The following BOD1L1 variants were observed in gnomAD, a reference collection of about 807,000 sequenced individuals.
The protein encoded by BOD1L1 is biorientation of chromosomes in cell division protein 1-like 1.
In BOD1L1, 86 loss-of-function variants were observed where a neutral mutation model predicts 240.7. The observed-to-expected ratio is 0.36, with a 90% CI of 0.30 to 0.43. The LOEUF is 0.43. Among genes scored for constraint, BOD1L1 ranks in the 20% least tolerant of loss-of-function variants. The pLI is 1.00. For synonymous variants in BOD1L1, 1,268 were observed against 1,272.3 expected, an observed-to-expected ratio of 1.00 and a Z score of 0.07; for missense variants, 3,554 against 3,643.5, an observed-to-expected ratio of 0.98 and a Z score of 0.63.
intron 5 of BOD1L1, among the ~76,000 whole-genome samples, 163 bp from the exon 6 acceptor site, chr4:13,611,263 T>G (rs1032205767): frequency 6.6e-6 from 1 of 152,222 alleles, no homozygotes; most frequent in Non-Finnish European, 1.5e-5. Context: ...AATTCATATT[T>G]TTATTTCTTA....
intron 6 of BOD1L1, 130 bp from the exon 7 acceptor site, chr4:13,609,536 C>A (rs1467894631): frequency 1.9e-6 from 1 of 534,574 alleles, no homozygotes; most frequent in African/African-American, 2.0e-5. Context: ...AAAAAATGCA[C>A]ATACACTACA....
At chr4:13,586,357 C>A (rs763093850) in intron 17 of BOD1L1, 39 bp downstream of exon 17, 3 of 1,398,376 alleles carry the variant, frequency 2.1e-6, no homozygotes, top group Non-Finnish European at 3.0e-6. Flanking sequence ...GCCTCCCTAC[C>A]CCCACCCAAA....
Position 13,601,037 on chromosome 4 carries a change from C to A in BOD1L1, c.5863G>T (p.Glu1955Ter). The A allele has an allele frequency of 6.2e-7, 1 of 1,614,030 alleles. No homozygotes were observed. Among genetic ancestry groups the A allele is most frequent in the South Asian group, 1.1e-5 (1 of 91,086 alleles). Residue 1955 changes from glutamate (E) to a stop codon, truncating the protein, a stop_gained, in exon 10 of 26, where the codon GAA (glutamate) becomes TAA (stop). Coordinates refer to ENST00000040738, the MANE Select transcript of BOD1L1 (RefSeq NM_148894.3). LOFTEE classifies it high-confidence loss of function. ...GAGACTGCACTGGTCACACTGCTTT[C>A]TACAATCCCTTTTGCACTGGAGCAG... ...DICSSAKGIVESSVTSAVSGK... is the reference protein window; with the variant it reads ...DICSSAKGIV
At position 13,604,195 on chromosome 4, in the gene BOD1L1, C is replaced by T. The variant is rs1715474917; in HGVS notation, c.2705G>A (p.Ser902Asn). Residue 902 changes from serine (S) to asparagine (N), a missense_variant, in exon 10 of 26, where the codon AGC becomes AAC. By Grantham distance (46) the Ser-to-Asn change is conservative (BLOSUM62 1). This residue lies in a region of BOD1L1 where 3,393 missense variants were observed against 3,427.1 expected (regional missense o/e 0.99). Coordinates refer to ENST00000040738, the MANE Select transcript of BOD1L1 (RefSeq NM_148894.3). ...CAACACAAGTTTCTCTTCTAACAAG[C>T]TCTTTGTTCGTCGTTTCTCCTTGTG... ...VVHKEKRRTK[S>N]LLEEKLVLKS... 1 of 1,613,302 alleles carries T rather than the reference C, an allele frequency of 6.2e-7. No homozygotes were observed. Among genetic ancestry groups the T allele is most frequent in the Admixed American group, 1.7e-5 (1 of 59,906 alleles).
At chr4:13,592,022 G>C (rs1714259411) in intron 12 of BOD1L1, 56 bp from the exon 13 acceptor site, 2 of 1,354,838 alleles carry the variant, frequency 1.5e-6, no homozygotes, top group African/African-American at 1.5e-5. Flanking sequence ...CTGAAATGCA[G>C]AGAAACAAAT....
At chr4:13,615,632 T>G in intron 2 of BOD1L1, 130 bp from the exon 3 acceptor site, 1 of 859,270 alleles carries the variant, frequency 1.2e-6, no homozygotes, top group African/African-American at 1.7e-5. Flanking sequence ...CCCAATCCAT[T>G]TACTTGGATA....
At chr4:13,616,086 T>C (rs184760235) in intron 2 of BOD1L1, among the ~76,000 whole-genome samples, 3 of 152,344 alleles carry the variant, frequency 2.0e-5, no homozygotes, top group Admixed American at 2.0e-4. Context: ...AAAAACTGGA[T>C]GATTTATTCA....
At chr4:13,605,520 A>T (rs1040276570) in intron 9 of BOD1L1, among the ~76,000 whole-genome samples, 4 of 152,288 alleles carry the variant, frequency 2.6e-5, no homozygotes, top group Middle Eastern at 3.4e-3. Context: ...AGATTATTTC[A>T]TTCCGAGTCT....
chr4:13,577,819 C>A, intron 22 of BOD1L1, 188 bp from the exon 23 acceptor site: 3 of 412,766 alleles, frequency 7.3e-6, no homozygotes, highest in Non-Finnish European at 1.3e-5. Context: ...TTGTGAGTCA[C>A]GAAACATAAG....
rs1716308123 is a variant in BOD1L1, at chr4:13,613,053, C to T, written c.1324+459G>A. Among the ~76,000 whole-genome samples, 1 of 152,154 alleles carries T rather than the reference C, an allele frequency of 6.6e-6. No individual in the cohort carries two copies. The highest frequency in any genetic ancestry group is 2.1e-4 in the South Asian group (1 of 4,830). ...CCCTTGGCTGATTTTAATCTGAGCA[C>T]CTTAACTGTAAACAACCATAGCTGT... On this transcript the variant is annotated intron_variant, in intron 5 of 25. Transcript: ENST00000040738. The surrounding 1 kb of genome is among the most constrained non-coding windows in gnomAD (Gnocchi z 4.0).
At chr4:13,587,033 A>T (rs928056350) in intron 16 of BOD1L1, among the ~76,000 whole-genome samples, 4 of 152,040 alleles carry the variant, frequency 2.6e-5, no homozygotes, top group Admixed American at 6.6e-5. Context: ...TTCATTCTTC[A>T]CTCATTCTTT....
intron 19 of BOD1L1, among the ~76,000 whole-genome samples, 182 bp from the exon 20 acceptor site, chr4:13,581,389 T>G (rs1713221315): frequency 6.6e-6 from 1 of 152,202 alleles, no homozygotes; most frequent in Non-Finnish European, 1.5e-5. Context: ...CACCATTGCT[T>G]CTTCAACCTG....
intron 6 of BOD1L1, 138 bp downstream of exon 6, chr4:13,610,796 C>T (rs61795290): frequency 3.3e-6 from 2 of 598,816 alleles, no homozygotes; most frequent in Non-Finnish European, 5.6e-6. Context: ...ATCTACTCTA[C>T]CTAGTTAAAT....
Position 13,600,755 on chromosome 4 carries a change from T to C in BOD1L1, c.6145A>G (p.Thr2049Ala), listed in dbSNP as rs1426899927. Residue 2049 changes from threonine (T) to alanine (A), a missense_variant, in exon 10 of 26, where the codon ACT becomes GCT. Thr to Ala is a moderately conservative substitution (Grantham distance 58). This residue lies in a region of BOD1L1 where 3,393 missense variants were observed against 3,427.1 expected (regional missense o/e 0.99). Coordinates refer to ENST00000040738, the MANE Select transcript of BOD1L1 (RefSeq NM_148894.3). ...TTGGTAATATCACCACTGGCTGTAGTTGCCATGAGACCATCACACTCTTCA... is the reference window on the plus strand; with the variant it reads ...TTGGTAATATCACCACTGGCTGTAGCTGCCATGAGACCATCACACTCTTCA... ...ENEECDGLMA[T>A]TASGDITNQN... 2 of 1,614,046 alleles carry C rather than the reference T, an allele frequency of 1.2e-6. No homozygotes were observed. Among genetic ancestry groups the C allele is most frequent in the African/African-American group, 2.7e-5 (2 of 75,066 alleles).
At chr4:13,598,830 T>C (rs529517130) in intron 10 of BOD1L1, 116 bp downstream of exon 10, 29 of 1,105,000 alleles carry the variant, frequency 2.6e-5, no homozygotes, top group Middle Eastern at 5.0e-4. Context: ...AAAAAATTTA[T>C]AGATATTTTA....
intron 12 of BOD1L1, among the ~76,000 whole-genome samples, chr4:13,595,171 TATTGA>T (rs1471704516): frequency 2.0e-5 from 3 of 152,252 alleles, no homozygotes; most frequent in African/African-American, 7.2e-5. Context: ...GAGTTAATTA[TATTGA>T]ATTAATAGTG....
rs1716328646 is a variant in BOD1L1 at position 13,613,350 on chromosome 4, A to G, written c.1324+162T>C. Among the ~76,000 whole-genome samples, 1 of 152,224 alleles carries G rather than the reference A, an allele frequency of 6.6e-6. No individual in the cohort carries two copies. Among genetic ancestry groups the G allele is most frequent in the Non-Finnish European group, 1.5e-5 (1 of 68,032 alleles). On this transcript the variant is annotated intron_variant, in intron 5 of 25. Coordinates refer to ENST00000040738, the MANE Select transcript of BOD1L1 (RefSeq NM_148894.3). This position sits in a 1 kb window ranked among gnomAD's most constrained non-coding sequence, Gnocchi z 4.0. ...ATTTAGTAACTTACCAAGCTTGCTC[A>G]GACAGACAACTTTGGAGCTGGGACT...
At position 13,601,592 on chromosome 4, in the gene BOD1L1, C is replaced by T. The variant is rs763486175; in HGVS notation, c.5308G>A (p.Gly1770Arg). 1.9e-6 allele frequency: 3 copies of T among 1,613,900 alleles called. No homozygotes were observed. The African/African-American group carries it at 4.0e-5, about 22-fold the overall frequency. ...VVLGDNDAPP[G>R]TSASQEGDGS... ...TCTCCTTCTTGGCTGGCACTTGTTCCTGGTGGTGCATCATTATCTCCCAGG... is the reference window on the plus strand; with the variant it reads ...TCTCCTTCTTGGCTGGCACTTGTTCTTGGTGGTGCATCATTATCTCCCAGG... The change falls in exon 10 of 26, where the codon GGA (glycine) becomes AGA (arginine). Residue 1770 changes from glycine (G) to arginine (R), a missense_variant. Gly to Arg is a moderately radical substitution (Grantham distance 125). Around this residue, in one of 2 missense-constraint regions of BOD1L1, gnomAD observed 3,393 missense variants for 3,427.1 expected, o/e 0.99. Coordinates refer to ENST00000040738, the MANE Select transcript of BOD1L1 (RefSeq NM_148894.3).
At chr4:13,606,449 C>T (rs955630940) in intron 9 of BOD1L1, among the ~76,000 whole-genome samples, 1 of 107,200 alleles carries the variant, frequency 9.3e-6, no homozygotes, top group African/African-American at 2.5e-5. Context: ...TACAGAACTA[C>T]AGATAATGTG....
Sources: allele counts gnomAD v4.1 joint callset (sites outside exome capture counted in the v4.1 genomes callset), GRCh38; gene constraint gnomAD v4.1.1; regional missense constraint gnomAD v4.1.1; non-coding constraint Gnocchi (gnomAD v3.1); transcripts MANE v1.5; gene names NCBI Gene and HGNC (gene_info 2026-07-23, HGNC 2026-07-21).